Variants in PHLDB1 observed in about 807,000 individuals in gnomAD.
PHLDB1 encodes pleckstrin homology-like domain family B member 1.
PHLDB1 carries 65 observed loss-of-function variants against 139.3 expected under a neutral mutation model. That is an observed-to-expected ratio of 0.47 (90% confidence interval 0.38 to 0.57). PHLDB1 has a LOEUF of 0.57. Among genes scored for constraint, PHLDB1 ranks in the 20% least tolerant of loss-of-function variants. The probability of loss-of-function intolerance (pLI) is 0.00; values close to 1 mark genes in which losing one functional copy is unlikely to be tolerated. For missense variants in PHLDB1, 1,624 were observed against 1,839.7 expected (o/e 0.88, Z 2.14); for synonymous variants, 679 against 734.5 (o/e 0.92, Z 1.22).
chr11:118,640,987 A>C (rs1271987552), intron 12 of PHLDB1: 3 of 152,024 alleles, frequency 2.0e-5, no homozygotes, highest in African/African-American at 7.3e-5. Context: ...CAGGCACCCT[A>C]CCCCTGCCTT....
At position 118,614,876 on chromosome 11, in the gene PHLDB1, C is replaced by T. The variant is rs537233151; in HGVS notation, c.184+194C>T. The T allele has an allele frequency of 1.6e-4, 93 of 564,570 alleles. No individual in the cohort carries two copies. The South Asian group carries it at 1.7e-3, about 11-fold the overall frequency. The allele number at this position is 564,570 out of a possible 1,614,324, so 35.0% of individuals were successfully genotyped here. A position where few individuals can be genotyped will look rare whatever the true frequency, so the allele number is the denominator to read the frequency against. On this transcript the variant is annotated intron_variant, in intron 3 of 22. Coordinates refer to ENST00000600882, the MANE Select transcript of PHLDB1 (RefSeq NM_001144758.3). ...TTCCTTGGTAGATGATCTGGTTCCA[C>T]GACTGGGCTTAAAGATCAGCTTAGA...
chr11:118,614,580 G>C lies in PHLDB1; in HGVS notation c.82G>C (p.Glu28Gln), dbSNP rs376321013. Residue 28 changes from glutamate (E) to glutamine (Q), a missense_variant, in exon 3 of 23, where the codon GAG becomes CAG. By Grantham distance (29) the Glu-to-Gln change is conservative. Coordinates refer to ENST00000600882, the MANE Select transcript of PHLDB1 (RefSeq NM_001144758.3). ...ACAGAAAGGACCCTTGGACCTGATC[G>C]AGACAGGCAAAGGGCTGAAAGTGCA... The part of the protein sequence containing the change: ...MVQKGPLDLI[E>Q]TGKGLKVQTD... 3 of 1,613,932 alleles carry C rather than the reference G, an allele frequency of 1.9e-6. No homozygotes were observed. Among genetic ancestry groups the C allele is most frequent in the Non-Finnish European group, 2.5e-6 (3 of 1,179,938 alleles).
In PHLDB1 at chr11:118,628,005, G is replaced by A. The variant is rs1264698487; in HGVS notation, c.1182G>A (p.Lys394=). Residue 394 remains lysine, a synonymous_variant, in exon 6 of 23, where the codon AAG becomes AAA. Coordinates refer to ENST00000600882, the MANE Select transcript of PHLDB1 (RefSeq NM_001144758.3). ...FQPPVPAPRN[K]IGTLQDRPPS... ...CTCCAGTCCCTGCTCCCCGAAACAA[G>A]ATTGGCACACTCCAGGACCGCCCTC... 3.1e-6 allele frequency: 5 copies of A among 1,613,712 alleles called. No individual in the cohort carries two copies. The highest frequency in any genetic ancestry group is 4.2e-6 in the Non-Finnish European group (5 of 1,180,004).
chr11:118,627,111 A>G, intron 5 of PHLDB1, 194 bp from the exon 6 acceptor site: 1 of 595,078 alleles, frequency 1.7e-6, no homozygotes, highest in Non-Finnish European at 2.9e-6. Context: ...ACAGAAGGAG[A>G]AACTGAGGAC....
intron 5 of PHLDB1, among the ~76,000 whole-genome samples, chr11:118,625,717 A>G (rs1223868582): frequency 2.0e-5 from 3 of 152,174 alleles, no homozygotes; most frequent in Non-Finnish European, 4.4e-5. Context: ...CATGGATGTC[A>G]GGTACACCTA....
chr11:118,644,119 G>C lies in PHLDB1; in HGVS notation c.3066G>C (p.Leu1022=). ...QNGTGSLPRN[L]AATLQDIETK... Reference sequence around the variant, plus strand: ...GCACGGGCAGCCTTCCTCGCAACCTGGCAGCCACACTGCAGGACATCGAGA... The same window carrying C: ...GCACGGGCAGCCTTCCTCGCAACCTCGCAGCCACACTGCAGGACATCGAGA... Residue 1022 remains leucine (L), a synonymous_variant, in exon 15 of 23, where the codon CTG becomes CTC. Transcript: ENST00000600882. The C allele has an allele frequency of 6.2e-7, 1 of 1,613,878 alleles. No individual in the cohort carries two copies. Among genetic ancestry groups the C allele is most frequent in the South Asian group, 1.1e-5 (1 of 91,050 alleles).
intron 12 of PHLDB1, 80 bp downstream of exon 12, chr11:118,639,331 C>T (rs1555118446): frequency 2.0e-6 from 2 of 987,736 alleles, no homozygotes; most frequent in Non-Finnish European, 3.3e-6. Context: ...CACTTTCACC[C>T]CAGTAGCTGA....
At position 118,627,772 on chromosome 11, in the gene PHLDB1, G is replaced by C. The variant is rs1020496867; in HGVS notation, c.949G>C (p.Gly317Arg). 1 of 1,606,664 alleles carries C rather than the reference G, an allele frequency of 6.2e-7. No homozygotes were observed. The highest frequency in any genetic ancestry group is 8.5e-7 in the Non-Finnish European group (1 of 1,179,800). ...CGAGAGTCCTCGGCTGAGCAGGAAA[G>C]GGGGCCATGAGAGGCCTCCCAGCCC... ...RSESPRLSRKGGHERPPSPGL... is the reference protein window; with the variant it reads ...RSESPRLSRKRGHERPPSPGL... Residue 317 changes from glycine to arginine, a missense_variant, in exon 6 of 23, where the codon GGG becomes CGG. Coordinates refer to ENST00000600882, the MANE Select transcript of PHLDB1 (RefSeq NM_001144758.3).
At chr11:118,642,210 C>G (rs1946669685) in intron 12 of PHLDB1, 44 bp from the exon 13 acceptor site, 1 of 1,580,722 alleles carries the variant, frequency 6.3e-7, no homozygotes, top group Non-Finnish European at 8.7e-7. Flanking sequence ...TCCTCTCCAT[C>G]CTCCCCTCCT....
At chr11:118,652,804 T>C (rs1490829738) in intron 20 of PHLDB1, 6 of 152,438 alleles carry the variant, frequency 3.9e-5, no homozygotes, top group African/African-American at 1.4e-4. Flanking sequence ...AAGCCAGCAC[T>C]AACCACATGC....
intron 1 of PHLDB1, chr11:118,613,368 C>A: frequency 1.0e-6 from 1 of 987,322 alleles, no homozygotes; most frequent in Admixed American, 6.0e-5. Context: ...GAGGGAGCTC[C>A]TGTTTTAGCC....
chr11:118,645,102 T>C lies in PHLDB1; in HGVS notation c.3122-254T>C. ...CAGCACTACTTGGGTAGGTTTGGTGTCCTATATGGACTCAGGGTGCGAAAG... is the reference window on the plus strand; with the variant it reads ...CAGCACTACTTGGGTAGGTTTGGTGCCCTATATGGACTCAGGGTGCGAAAG... On this transcript the variant is annotated intron_variant, in intron 15 of 22. Coordinates refer to ENST00000600882, the MANE Select transcript of PHLDB1 (RefSeq NM_001144758.3). The surrounding 1 kb of genome is among the most constrained non-coding windows in gnomAD (Gnocchi z 5.1). 2.2e-6 allele frequency: 1 copy of C among 449,806 alleles called. No individual in the cohort carries two copies. The highest frequency in any genetic ancestry group is 3.9e-6 in the Non-Finnish European group (1 of 256,226). The allele number at this position is 449,806 out of a possible 1,614,324, so 27.9% of individuals were successfully genotyped here. A position where few individuals can be genotyped will look rare whatever the true frequency, so the allele number is the denominator to read the frequency against.
chr11:118,645,202 G>A lies in PHLDB1; in HGVS notation c.3122-154G>A. 1.9e-6 allele frequency: 1 copy of A among 532,010 alleles called. No individual in the cohort carries two copies. The highest frequency in any genetic ancestry group is 3.2e-6 in the Non-Finnish European group (1 of 309,886). The allele number at this position is 532,010 out of a possible 1,614,324, so 33.0% of individuals were successfully genotyped here. A position where few individuals can be genotyped will look rare whatever the true frequency, so the allele number is the denominator to read the frequency against. On this transcript the variant is annotated intron_variant, in intron 15 of 22. Transcript: ENST00000600882. This position sits in a 1 kb window ranked among gnomAD's most constrained non-coding sequence, Gnocchi z 5.1. ...AGCATTGGCAGAGCAGCCAGGCCTG[G>A]AGCTGCAGGGGCCTTAGGGAAGCTG...
At chr11:118,654,705 T>C (rs1555140270) in intron 20 of PHLDB1, 1 of 130,840 alleles carries the variant, frequency 7.6e-6, no homozygotes, top group East Asian at 2.3e-4. Context: ...AGATATTTCT[T>C]TCTTTCTCTT....
chr11:118,643,665 G>A (rs1946962168), intron 13 of PHLDB1, 135 bp from the exon 14 acceptor site: 1 of 1,549,022 alleles, frequency 6.5e-7, no homozygotes, highest in African/African-American at 1.4e-5. Context: ...TGGCTCAGGA[G>A]GCTTGTTGTC....
In PHLDB1 at chr11:118,611,812, C is replaced by T. The variant is rs1940387930; in HGVS notation, c.-21-2004C>T. ...CAGCCTGGGCAACAAGAGTGAAACT[C>T]CGTCTCAAAAAAAAAAAAAAAATAA... On this transcript the variant is annotated intron_variant, in intron 1 of 22. Transcript: ENST00000600882. The surrounding 1 kb of genome is among the most constrained non-coding windows in gnomAD (Gnocchi z 4.7). 7.2e-6 allele frequency among the ~76,000 whole-genome samples: 1 copy of T among 139,690 alleles called. No homozygotes were observed. Among genetic ancestry groups the T allele is most frequent in the Admixed American group, 7.5e-5 (1 of 13,286 alleles). 91.6% of individuals were successfully genotyped at this position (139,690 alleles called of 152,430 possible).
At chr11:118,644,261 G>A (rs1947078508) in intron 15 of PHLDB1, 87 bp downstream of exon 15, 1 of 915,716 alleles carries the variant, frequency 1.1e-6, no homozygotes, top group Admixed American at 2.1e-5. Context: ...ACCTTTCACA[G>A]GATGTTTTTC....
chr11:118,635,336 CAGGCCCAG>C, intron 9 of PHLDB1, 49 bp from the exon 10 acceptor site: 1 of 1,515,984 alleles, frequency 6.6e-7, no homozygotes, highest in South Asian at 1.3e-5. Flanking sequence ...CCTGGTCTTC[CAGGCCCAG>C]AGTGGCATTG....
Position 118,627,885 on chromosome 11 carries a change from G to A in PHLDB1, c.1062G>A (p.Gly354=), listed in dbSNP as rs782726364. 15 of 1,610,166 alleles carry A rather than the reference G, an allele frequency of 9.3e-6. No homozygotes were observed. Among genetic ancestry groups the A allele is most frequent in the Non-Finnish European group, 1.1e-5 (13 of 1,179,952 alleles). Residue 354 remains glycine (G), a synonymous_variant, in exon 6 of 23, where the codon GGG becomes GGA. Coordinates refer to ENST00000600882, the MANE Select transcript of PHLDB1 (RefSeq NM_001144758.3). ...CCACTGAGAGCCCCCGGCTGGGTGG[G>A]CAGCTGCCTGTGGTGGCCATCAGCC... ...RRATESPRLG[G]QLPVVAISLS...
Sources: gnomAD v4.1 joint callset for allele counts (sites outside exome capture counted in the v4.1 genomes callset) on GRCh38, gnomAD v4.1.1 for gene constraint, Gnocchi (gnomAD v3.1) non-coding constraint, MANE v1.5 for transcripts, NCBI Gene and HGNC (gene_info 2026-07-23, HGNC 2026-07-21) for gene names.